Variants in NFKBID observed in about 807,000 individuals in gnomAD.
NFKBID encodes NF-kappa-B inhibitor delta.
In NFKBID, 26 loss-of-function variants were observed where a neutral mutation model predicts 53.4. That is an observed-to-expected ratio of 0.49 (90% CI 0.36 to 0.68). NFKBID has a LOEUF of 0.68. NFKBID is among the 30% of genes least tolerant of loss of function. The probability of loss-of-function intolerance (pLI) is 0.00; values close to 1 mark genes in which losing one functional copy is unlikely to be tolerated. For missense variants in NFKBID, 493 were observed against 614.1 expected, an observed-to-expected ratio of 0.80 and a Z score of 2.08; for synonymous variants, 262 against 259.8, an observed-to-expected ratio of 1.01 and a Z score of -0.08.
rs1191252734 is a variant in NFKBID, at chr19:35,896,686, C to T, written c.684+40G>A. ...CAGGGGTCCAGGCCCCAGGCTCCTTCCTCCCCTGAACCCAGGAGAGTTCAG... is the reference window on the plus strand; with the variant it reads ...CAGGGGTCCAGGCCCCAGGCTCCTTTCTCCCCTGAACCCAGGAGAGTTCAG... On this transcript the variant is annotated intron_variant, in intron 6 of 11. Coordinates refer to ENST00000641389, the Ensembl canonical transcript of NFKBID. The surrounding 1 kb of genome is among the most constrained non-coding windows in gnomAD (Gnocchi z 5.7). 1.9e-6 allele frequency: 3 copies of T among 1,590,320 alleles called. No individual in the cohort carries two copies. In the African/African-American group the frequency reaches 4.0e-5, roughly 21 times the overall value.
At chr19:35,890,620 T>TTGGGAAGCTGAAGAAGGAGG (rs1232336976) in intron 9 of NFKBID, 130 bp from the exon 10 acceptor site, 1 of 761,848 alleles carries the variant, frequency 1.3e-6, no homozygotes, top group Non-Finnish European at 2.4e-6. Context: ...TCCTAGCACT[T>TTGGGAAGCTGAAGAAGGAGG]TGGGAAGCTG....
rs776643625 is a variant in NFKBID, at chr19:35,896,971, C to T, written c.520G>A (p.Ala174Thr). Residue 174 changes from alanine to threonine, a missense_variant, in exon 5 of 12, where the codon GCT (alanine) becomes ACT (threonine). By Grantham distance (58) the Ala-to-Thr change is moderately conservative (BLOSUM62 0). Around this residue, in one of 2 missense-constraint regions of NFKBID, gnomAD observed 226 missense variants for 229.5 expected, o/e 0.98. Transcript: ENST00000641389. This position sits in a 1 kb window ranked among gnomAD's most constrained non-coding sequence, Gnocchi z 5.7. ...TGTGGCCCCAAAGCCAGCATGTGAG[C>T]TCGGGCCACCTCCAGCGATGGTCCA... The T allele has an allele frequency of 1.9e-6, 3 of 1,608,464 alleles. No individual in the cohort carries two copies. Among genetic ancestry groups the T allele is most frequent in the Non-Finnish European group, 2.5e-6 (3 of 1,177,652 alleles).
Position 35,896,743 on chromosome 19 carries a change from G to A in NFKBID, c.667C>T (p.Arg223Cys), listed in dbSNP as rs1290578306. 5.6e-6 allele frequency: 9 copies of A among 1,613,566 alleles called. No homozygotes were observed. Among genetic ancestry groups the A allele is most frequent in the Admixed American group, 3.3e-5 (2 of 59,968 alleles). ...AGCCTCACCTTGCCCTTATGCTCACGAATGTCAAGACGCCGGTACACCTGG... is the reference window on the plus strand; with the variant it reads ...AGCCTCACCTTGCCCTTATGCTCACAAATGTCAAGACGCCGGTACACCTGG... Residue 223 changes from arginine (R) to cysteine (C), a missense_variant, in exon 6 of 12, where the codon CGT becomes TGT. Transcript: ENST00000641389. This position sits in a 1 kb window ranked among gnomAD's most constrained non-coding sequence, Gnocchi z 5.7.
exon 5 of NFKBID, chr19:35,897,044 T>C: frequency 6.2e-7 from 1 of 1,602,496 alleles, no homozygotes; most frequent in Non-Finnish European, 8.5e-7. Flanking sequence ...GTGCAGAAAC[T>C]CTCCAGGGTC....
intron 11 of NFKBID, 51 bp downstream of exon 11, chr19:35,889,839 G>A (rs746456838): frequency 3.3e-5 from 51 of 1,534,344 alleles, no homozygotes; most frequent in Middle Eastern, 2.4e-4. Flanking sequence ...AGGTCATCCC[G>A]CGCCCGCGAG....
upstream of NFKBID, among the ~76,000 whole-genome samples, chr19:35,900,919 G>A (rs1445235608): frequency 7.2e-6 from 1 of 138,110 alleles, no homozygotes; most frequent in Admixed American, 8.0e-5. Context: ...TGCAAACTCC[G>A]CCTCCTGAAT....
Position 35,896,308 on chromosome 19 carries a change from C to A in NFKBID, c.832-39G>T. 6.2e-7 allele frequency: 1 copy of A among 1,613,956 alleles called. No homozygotes were observed. ...AAGGCAGACTGCTGGGTAAGGGTATCCCCTGGCCTCCTGGCCCTGGAAGCC... is the reference window on the plus strand; with the variant it reads ...AAGGCAGACTGCTGGGTAAGGGTATACCCTGGCCTCCTGGCCCTGGAAGCC... On this transcript the variant is annotated intron_variant, in intron 7 of 11. Coordinates refer to ENST00000641389, the Ensembl canonical transcript of NFKBID. The surrounding 1 kb of genome is among the most constrained non-coding windows in gnomAD (Gnocchi z 5.7).
chr19:35,894,405 A>T (rs1277602823), intron 9 of NFKBID, among the ~76,000 whole-genome samples: 2 of 152,136 alleles, frequency 1.3e-5, no homozygotes, highest in African/African-American at 4.8e-5. Flanking sequence ...TCTGACAGTC[A>T]CAAGCTATAA....
Position 35,896,013 on chromosome 19 carries a change from C to T in NFKBID, c.999G>A (p.Met333Ile). The T allele has an allele frequency of 6.2e-7, 1 of 1,614,214 alleles. No homozygotes were observed. Among genetic ancestry groups the T allele is most frequent in the South Asian group, 1.1e-5 (1 of 91,090 alleles). ...TGTGATTAGCACCCATTTGCAGCAA[C>T]ATGTGGACACAATCCAGCCTGTCTC... Residue 333 changes from methionine (M) to isoleucine (I), a missense_variant, in exon 9 of 12, where the codon ATG becomes ATA. This residue lies in a region of NFKBID where 267 missense variants were observed against 384.6 expected (regional missense o/e 0.69). Transcript: ENST00000641389. The surrounding 1 kb of genome is among the most constrained non-coding windows in gnomAD (Gnocchi z 5.7).
exon 11 of NFKBID, chr19:35,890,034 G>A (rs747379739): frequency 1.2e-6 from 2 of 1,605,320 alleles, no homozygotes; most frequent in South Asian, 1.1e-5. Context: ...CCGCCATGTG[G>A]AGGGCTGTGT....
chr19:35,889,045 CAAA>C (rs537535858), intron 11 of NFKBID, among the ~76,000 whole-genome samples: 2 of 105,838 alleles, frequency 1.9e-5, no homozygotes, highest in Admixed American at 1.0e-4. Context: ...ACTCCGCCTC[CAAA>C]AAAAAAAAAA....
chr19:35,891,587 C>T (rs1048024462), intron 9 of NFKBID, among the ~76,000 whole-genome samples: 4 of 151,380 alleles, frequency 2.6e-5, no homozygotes, highest in East Asian at 1.9e-4. Context: ...TCTTTTTTTT[C>T]GAAGGGCACA....
In NFKBID at chr19:35,898,867, C is replaced by A. The variant is rs905247127; in HGVS notation, c.62-45G>T. ...GGGAAGTCATCAAGGGTCCTTAAGTCACCTAAATGCCGCGGGGGTGGCGCG... is the reference window on the plus strand; with the variant it reads ...GGGAAGTCATCAAGGGTCCTTAAGTAACCTAAATGCCGCGGGGGTGGCGCG... On this transcript the variant is annotated intron_variant, in intron 1 of 11. Coordinates refer to ENST00000641389, the Ensembl canonical transcript of NFKBID. The A allele has an allele frequency of 2.8e-6, 4 of 1,445,240 alleles. No homozygotes were observed. In the African/African-American group the frequency reaches 5.6e-5, roughly 20 times the overall value. The allele number at this position is 1,445,240 out of a possible 1,614,324, so 89.5% of individuals were successfully genotyped here.
At chr19:35,895,050 T>G (rs147331157) in intron 9 of NFKBID, among the ~76,000 whole-genome samples, 1 of 151,238 alleles carries the variant, frequency 6.6e-6, no homozygotes, top group Non-Finnish European at 1.5e-5. Flanking sequence ...TTCAGTAAAA[T>G]AGAGAAAATA....
Position 35,897,636 on chromosome 19 carries a change from C to T in NFKBID, c.432+15G>A. 7.4e-7 allele frequency: 1 copy of T among 1,359,604 alleles called. No homozygotes were observed. The highest frequency in any genetic ancestry group is 1.7e-5 in the Admixed American group (1 of 59,646). The allele number at this position is 1,359,604 out of a possible 1,614,324, so 84.2% of individuals were successfully genotyped here. ...TAGGGGCCCTTCAGCATCCTGTACC[C>T]ACTCTGTATCTCACCTCCATGCCCT... On this transcript the variant is annotated intron_variant, in intron 4 of 11. Coordinates refer to ENST00000641389, the Ensembl canonical transcript of NFKBID.
rs1974665699 is a variant in NFKBID at position 35,890,256 on chromosome 19, T to C, written c.1149+118A>G. 4.6e-6 allele frequency: 4 copies of C among 861,472 alleles called. No homozygotes were observed. In the East Asian group the frequency reaches 1.0e-4, roughly 22 times the overall value. 53.4% of individuals were successfully genotyped at this position (861,472 alleles called of 1,614,324 possible). A position where few individuals can be genotyped will look rare whatever the true frequency, so the allele number is the denominator to read the frequency against. ...CAATCTGTGTCTGCTTCCTATACTT[T>C]CCCCTGCAGATCCCACACATCGTCC... On this transcript the variant is annotated intron_variant, in intron 10 of 11. Coordinates refer to ENST00000641389, the Ensembl canonical transcript of NFKBID.
chr19:35,890,001 G>A, exon 11 of NFKBID: 1 of 1,609,264 alleles, frequency 6.2e-7, no homozygotes, highest in Non-Finnish European at 8.5e-7. Context: ...TGGCCTCCTG[G>A]GCCGGCCCAG....
At chr19:35,898,696 G>A in intron 2 of NFKBID, 23 bp downstream of exon 2, 1 of 1,530,576 alleles carries the variant, frequency 6.5e-7, no homozygotes, top group East Asian at 2.4e-5. Context: ...GGCCTCCGGA[G>A]AGCTGTGGCT....
intron 9 of NFKBID, among the ~76,000 whole-genome samples, chr19:35,891,819 A>G (rs142312849): frequency 6.6e-6 from 1 of 152,058 alleles, no homozygotes; most frequent in African/African-American, 2.4e-5. Flanking sequence ...GTGAGCCAAA[A>G]TCACACCATT....
Sources: allele counts gnomAD v4.1 joint callset (sites outside exome capture counted in the v4.1 genomes callset), GRCh38; gene constraint gnomAD v4.1.1; regional missense constraint gnomAD v4.1.1; non-coding constraint Gnocchi (gnomAD v3.1); transcripts MANE v1.5; gene names NCBI Gene and HGNC (gene_info 2026-07-23, HGNC 2026-07-21).